Variants in PTPRB observed in about 807,000 individuals in gnomAD.
PTPRB encodes protein tyrosine phosphatase receptor type B, also known as receptor-type tyrosine-protein phosphatase beta.
Under a neutral mutation model 238.1 loss-of-function variants are expected in PTPRB, and 97 were observed. That is an observed-to-expected ratio of 0.41 (90% CI 0.35 to 0.48). The LOEUF is 0.48. Ranked by LOEUF, PTPRB falls within the 20% of genes least tolerant of loss-of-function variation. The pLI, the probability that PTPRB is intolerant of heterozygous loss-of-function variation, is 0.30. For synonymous variants in PTPRB, 970 were observed against 995.4 expected (o/e 0.97, Z 0.48); for missense variants, 2,292 against 2,681.9 (o/e 0.85, Z 3.21).
chr12:70,609,204 C>T lies in PTPRB; in HGVS notation c.844G>A (p.Gly282Arg), dbSNP rs766789041. 1 of 1,613,920 alleles carries T rather than the reference C, an allele frequency of 6.2e-7. No homozygotes were observed. Among genetic ancestry groups the T allele is most frequent in the African/African-American group, 1.3e-5 (1 of 74,930 alleles). Reference sequence around the variant, plus strand: ...CGAAAGGTAGGGCACAACGCGGCCCCCAGGGTGTCACTGCTATAGATGAGG... The same window carrying T: ...CGAAAGGTAGGGCACAACGCGGCCCTCAGGGTGTCACTGCTATAGATGAGG... ...FSLIYSSDTL[G>R]AALCPTFRID... Residue 282 changes from glycine (G) to arginine (R), a missense_variant, in exon 4 of 34, where the codon GGG (glycine) becomes AGG (arginine). By Grantham distance (125) the Gly-to-Arg change is moderately radical. Transcript: ENST00000334414.
At position 70,576,429 on chromosome 12, in the gene PTPRB, G is replaced by C; in HGVS notation, c.2795C>G (p.Thr932Arg). 1 of 1,610,218 alleles carries C rather than the reference G, an allele frequency of 6.2e-7. No homozygotes were observed. The highest frequency in any genetic ancestry group is 8.5e-7 in the Non-Finnish European group (1 of 1,178,346). ...PGRLYTVTITTRSGKYENHSF... is the reference protein window; with the variant it reads ...PGRLYTVTITRRSGKYENHSF... Reference sequence around the variant, plus strand: ...GTGATTTTCATACTTGCCACTCCTTGTAGTTATGGTCACGGTGTAGAGGCG... The same window carrying C: ...GTGATTTTCATACTTGCCACTCCTTCTAGTTATGGTCACGGTGTAGAGGCG... Residue 932 changes from threonine to arginine, a missense_variant, in exon 11 of 34, where the codon ACA becomes AGA. Transcript: ENST00000334414.
chr12:70,571,043 A>T lies in PTPRB; in HGVS notation c.3353T>A (p.Phe1118Tyr), dbSNP rs779938561. ...CACATTACCTGTGAAGCCCTCAATGAAGGCTGACTGCTGTACATCCCCGCT... is the reference window on the plus strand; with the variant it reads ...CACATTACCTGTGAAGCCCTCAATGTAGGCTGACTGCTGTACATCCCCGCT... ...TISGDVQQSA[F>Y]IEGFTVPSAV... The change falls in exon 13 of 34, where the codon TTC (phenylalanine) becomes TAC (tyrosine). Residue 1118 changes from phenylalanine to tyrosine, a missense_variant. Phe to Tyr is a conservative substitution (Grantham distance 22, BLOSUM62 3). Transcript: ENST00000334414. The T allele has an allele frequency of 1.2e-6, 2 of 1,614,006 alleles. No homozygotes were observed. Among genetic ancestry groups the T allele is most frequent in the Non-Finnish European group, 1.7e-6 (2 of 1,179,880 alleles).
At chr12:70,563,563 C>G (rs1163988671) in intron 15 of PTPRB, among the ~76,000 whole-genome samples, 1 of 152,146 alleles carries the variant, frequency 6.6e-6, no homozygotes, top group East Asian at 1.9e-4. Context: ...TATTCTATAG[C>G]CCCAGCTGAG....
In PTPRB at chr12:70,562,944, G is replaced by C; in HGVS notation, c.4068C>G (p.Ser1356Arg). ...ERAQVDPLVQ[S>R]FSFQNLLQGR... ...CTTGTAGCAAGTTCTGGAAAGAGAA[G>C]CTCTGGACTAGTGGGTCAACTTGAG... The change falls in exon 16 of 34, where the codon AGC (serine) becomes AGG (arginine). Residue 1356 changes from serine (S) to arginine (R), a missense_variant. By Grantham distance (110) the Ser-to-Arg change is moderately radical (BLOSUM62 -1). Transcript: ENST00000334414. The C allele has an allele frequency of 6.2e-7, 1 of 1,614,022 alleles. No individual in the cohort carries two copies. Among genetic ancestry groups the C allele is most frequent in the Non-Finnish European group, 8.5e-7 (1 of 1,179,882 alleles).
chr12:70,628,034 T>C (rs1330236525), intron 2 of PTPRB, among the ~76,000 whole-genome samples: 1 of 152,190 alleles, frequency 6.6e-6, no homozygotes, highest in Non-Finnish European at 1.5e-5. Flanking sequence ...AACAATTACT[T>C]TAACCAGCAG....
At position 70,572,205 on chromosome 12, in the gene PTPRB, G is replaced by T. The variant is rs1029768633; in HGVS notation, c.2843-118C>A. 8.0e-6 allele frequency: 9 copies of T among 1,119,504 alleles called. No individual in the cohort carries two copies. The South Asian group carries it at 1.2e-4, about 15-fold the overall frequency. The allele number at this position is 1,119,504 out of a possible 1,614,324, so 69.3% of individuals were successfully genotyped here. ...AGATTATTATTGTGTGCATTTAAAAGAAAAATCTTAGACCTTAGGTTACAA... is the reference window on the plus strand; with the variant it reads ...AGATTATTATTGTGTGCATTTAAAATAAAAATCTTAGACCTTAGGTTACAA... On this transcript the variant is annotated intron_variant, in intron 11 of 33. Coordinates refer to ENST00000334414, the MANE Select transcript of PTPRB (RefSeq NM_001109754.4).
chr12:70,559,192 G>T, intron 18 of PTPRB, 151 bp downstream of exon 18: 1 of 834,890 alleles, frequency 1.2e-6, no homozygotes, highest in Non-Finnish European at 1.9e-6. Flanking sequence ...TTGAATGAAC[G>T]AACAAATCTA....
intron 3 of PTPRB, among the ~76,000 whole-genome samples, chr12:70,621,569 T>A (rs758979215): frequency 6.6e-6 from 1 of 152,194 alleles, no homozygotes; most frequent in African/African-American, 2.4e-5. Flanking sequence ...TGTTTTATGA[T>A]CAATAATGAA....
At chr12:70,600,789 G>A (rs983561075) in intron 4 of PTPRB, among the ~76,000 whole-genome samples, 9 of 152,094 alleles carry the variant, frequency 5.9e-5, no homozygotes, top group Non-Finnish European at 1.3e-4. Flanking sequence ...TCAACCTCCT[G>A]GGCTCAAGTG....
intron 6 of PTPRB, 116 bp from the exon 7 acceptor site, chr12:70,592,661 C>G (rs1882605866): frequency 1.8e-6 from 2 of 1,101,952 alleles, no homozygotes; most frequent in African/African-American, 1.6e-5. Flanking sequence ...CTGGAGAAAA[C>G]AAGCACTTCA....
chr12:70,635,593 C>T, intron 2 of PTPRB, 78 bp downstream of exon 2: 1 of 1,476,780 alleles, frequency 6.8e-7, no homozygotes, highest in Non-Finnish European at 9.1e-7. Context: ...GTAAAACAAA[C>T]AAACAAACAA....
chr12:70,541,318 T>C (rs968665272), intron 22 of PTPRB: 1 of 167,896 alleles, frequency 6.0e-6, no homozygotes, highest in Non-Finnish European at 1.3e-5. Flanking sequence ...ATATAAAACA[T>C]GTTACACAGC....
At chr12:70,531,183 G>A (rs1177131381) in intron 32 of PTPRB, among the ~76,000 whole-genome samples, 1 of 152,182 alleles carries the variant, frequency 6.6e-6, no homozygotes, top group African/African-American at 2.4e-5. Flanking sequence ...AAGCTCAAAG[G>A]GGGCCTTGGC....
intron 4 of PTPRB, among the ~76,000 whole-genome samples, chr12:70,603,893 C>G (rs1206024757): frequency 1.3e-5 from 2 of 152,154 alleles, no homozygotes; most frequent in African/African-American, 4.8e-5. Context: ...TTTCACAATA[C>G]CCCCTCCACA....
intron 11 of PTPRB, among the ~76,000 whole-genome samples, chr12:70,573,491 T>C (rs938176562): frequency 1.6e-5 from 2 of 128,942 alleles, no homozygotes; most frequent in Non-Finnish European, 3.1e-5. Flanking sequence ...ATGGTTTCTT[T>C]TTTCTTTTCT....
At chr12:70,531,122 C>T (rs982033899) in intron 32 of PTPRB, among the ~76,000 whole-genome samples, 4 of 152,076 alleles carry the variant, frequency 2.6e-5, no homozygotes, top group Admixed American at 2.6e-4. Context: ...ATGTGCTGCA[C>T]AAGAAAAGAA....
intron 9 of PTPRB, among the ~76,000 whole-genome samples, chr12:70,583,607 A>G (rs1392953529): frequency 6.6e-6 from 1 of 152,148 alleles, no homozygotes; most frequent in Non-Finnish European, 1.5e-5. Flanking sequence ...TTTACTCCCC[A>G]TACAACTTCA....
chr12:70,559,383 C>A lies in PTPRB; in HGVS notation c.4674G>T (p.Trp1558Cys). 6.2e-7 allele frequency: 1 copy of A among 1,613,862 alleles called. No individual in the cohort carries two copies. The stretch of plus-strand genomic sequence containing the variant: ...CAAAAATTGGTTTGCTGTAAGTTTT[C>A]CAGGAATCACCACTGACAGTCTTGA... ...FNVKTVSGDS[W>C]KTYSKPIFGS... is the part of the protein sequence containing the mutation. The change falls in exon 18 of 34, where the codon TGG becomes TGT. Residue 1558 changes from tryptophan to cysteine, a missense_variant. Coordinates refer to ENST00000334414, the MANE Select transcript of PTPRB (RefSeq NM_001109754.4).
At chr12:70,537,869 C>G (rs530581760) in intron 28 of PTPRB, among the ~76,000 whole-genome samples, 2 of 152,196 alleles carry the variant, frequency 1.3e-5, no homozygotes, top group African/African-American at 4.8e-5. Context: ...GGAGGTCCAT[C>G]TTCCTTAGGA....
Sources: allele counts gnomAD v4.1 joint callset (sites outside exome capture counted in the v4.1 genomes callset), GRCh38; gene constraint gnomAD v4.1.1; transcripts MANE v1.5; gene names NCBI Gene and HGNC (gene_info 2026-07-23, HGNC 2026-07-21).